RASA1: variants seen among roughly 807,000 people sequenced by gnomAD.
RASA1 encodes the protein ras GTPase-activating protein 1.
RASA1 carries 25 observed loss-of-function variants against 132.2 expected under a neutral mutation model. The ratio of observed to expected loss-of-function variants is 0.19; its 90% CI spans 0.14 to 0.26. The LOEUF (loss-of-function observed/expected upper bound fraction) is 0.26, where lower values mean the gene tolerates loss of function less well. Ranked by LOEUF, RASA1 falls within the 10% of genes least tolerant of loss-of-function variation. The probability of loss-of-function intolerance (pLI) is 1.00; values close to 1 mark genes in which losing one functional copy is unlikely to be tolerated. For synonymous variants in RASA1, 477 were observed against 449.9 expected (o/e 1.06, Z -0.76); for missense variants, 964 against 1,299.2 (o/e 0.74, Z 3.97).
chr5:87,358,746 C>T (rs960492369), intron 9 of RASA1, among the ~76,000 whole-genome samples: 4 of 152,186 alleles, frequency 2.6e-5, no homozygotes, highest in African/African-American at 9.7e-5. Flanking sequence ...TTTCTGAACT[C>T]GTCTCTTCCT....
intron 6 of RASA1, among the ~76,000 whole-genome samples, chr5:87,341,898 G>A (rs931678218): frequency 2.0e-5 from 3 of 151,972 alleles, no homozygotes; most frequent in Non-Finnish European, 1.5e-5. Flanking sequence ...GGAACTTGAG[G>A]CTTGCCTCAA....
At chr5:87,297,520 A>G (rs1755175551) in intron 1 of RASA1, among the ~76,000 whole-genome samples, 1 of 152,228 alleles carries the variant, frequency 6.6e-6, no homozygotes, top group Non-Finnish European at 1.5e-5. Flanking sequence ...TAGGTGGGAC[A>G]GAATGGTTAG....
At chr5:87,327,049 C>T (rs1367574249) in intron 1 of RASA1, among the ~76,000 whole-genome samples, 1 of 152,098 alleles carries the variant, frequency 6.6e-6, no homozygotes, top group Non-Finnish European at 1.5e-5. Context: ...TTTGAGTATC[C>T]TCTACTCCCC....
At chr5:87,348,265 T>C (rs1485657695) in intron 7 of RASA1, among the ~76,000 whole-genome samples, 2 of 152,044 alleles carry the variant, frequency 1.3e-5, no homozygotes, top group African/African-American at 4.8e-5. Context: ...CATAAGTGCC[T>C]TGATTGGATG....
intron 9 of RASA1, among the ~76,000 whole-genome samples, chr5:87,355,131 C>T (rs1335982954): frequency 6.6e-6 from 1 of 152,176 alleles, no homozygotes; most frequent in Admixed American, 6.5e-5. Context: ...CAGAAGATAA[C>T]TAGCAAGTTA....
chr5:87,317,873 C>T (rs911789225), intron 1 of RASA1, among the ~76,000 whole-genome samples: 3 of 152,016 alleles, frequency 2.0e-5, no homozygotes, highest in Admixed American at 6.6e-5. Context: ...TGAGCTCAAG[C>T]AATCCGCCCA....
rs115839593 is a variant in RASA1, at chr5:87,358,176, G to A, written c.1333-4375G>A. Among the ~76,000 whole-genome samples, 1,143 of 152,270 alleles carry A rather than the reference G, an allele frequency of 7.5e-3. 19 individuals carry two copies. Among genetic ancestry groups the A allele is most frequent in the African/African-American group, 0.027 (1,105 of 41,556 alleles). ...AGATGCTGGCAAAGGCTAAGAAACA[G>A]CAGAGTCCTAGCTAGCTTTGCTTAC... On this transcript the variant is annotated intron_variant, in intron 9 of 24. Transcript: ENST00000274376.
chr5:87,338,172 G>T, intron 5 of RASA1, 81 bp downstream of exon 5: 1 of 1,584,596 alleles, frequency 6.3e-7, no homozygotes, highest in Non-Finnish European at 8.6e-7. Context: ...AGAGAAAGTA[G>T]CTATGAATAC....
At chr5:87,294,983 C>T (rs1755057251) in intron 1 of RASA1, among the ~76,000 whole-genome samples, 1 of 152,060 alleles carries the variant, frequency 6.6e-6, no homozygotes, top group East Asian at 1.9e-4. Context: ...TATGTATTTC[C>T]TCTTGAAGTT....
At position 87,353,880 on chromosome 5, in the gene RASA1, C is replaced by T. The variant is rs577394538; in HGVS notation, c.1332+645C>T. On this transcript the variant is annotated intron_variant, in intron 9 of 24. Coordinates refer to ENST00000274376, the MANE Select transcript of RASA1 (RefSeq NM_002890.3). Reference sequence around the variant, plus strand: ...GGGTGATTAGCTTCTGTTTCTTCCTCATTGCACTTTCTGAAGTATATGGTA... The same window carrying T: ...GGGTGATTAGCTTCTGTTTCTTCCTTATTGCACTTTCTGAAGTATATGGTA... Among the ~76,000 whole-genome samples, 9 of 152,194 alleles carry T rather than the reference C, an allele frequency of 5.9e-5. No homozygotes were observed. In the East Asian group the frequency reaches 7.7e-4, roughly 13 times the overall value.
chr5:87,273,357 T>C (rs1280639337), intron 1 of RASA1, among the ~76,000 whole-genome samples: 2 of 152,334 alleles, frequency 1.3e-5, no homozygotes, highest in East Asian at 3.8e-4. Flanking sequence ...ATTTCTCTAC[T>C]ATAAAAGTTT....
At position 87,268,494 on chromosome 5, in the gene RASA1, A is replaced by G. The variant is rs1426539498; in HGVS notation, c.43A>G (p.Thr15Ala). ...EAGSEEGGPVTAGAGGGGAAA... is the reference protein window; with the variant it reads ...EAGSEEGGPVAAGAGGGGAAA... ...CGGCAGTGAGGAGGGCGGCCCGGTA[A>G]CAGCCGGAGCTGGAGGAGGCGGCGC... The change falls in exon 1 of 25, where the codon ACA becomes GCA. Residue 15 changes from threonine (T) to alanine (A), a missense_variant. By Grantham distance (58) the Thr-to-Ala change is moderately conservative. Transcript: ENST00000274376. 2 of 1,558,308 alleles carry G rather than the reference A, an allele frequency of 1.3e-6. No homozygotes were observed. The highest frequency in any genetic ancestry group is 1.7e-6 in the Non-Finnish European group (2 of 1,153,364).
Position 87,391,048 on chromosome 5 carries a change from T to C in RASA1, c.*165T>C. On this transcript the variant is annotated 3_prime_UTR_variant, in exon 25 of 25. Transcript: ENST00000274376. ...CCAAGATTCTGCTGGTGAATAACTA[T>C]GCCAGCAACCTTGTAAGCTATCTGT... is the stretch of plus-strand genomic sequence containing the variant. 1.4e-6 allele frequency: 1 copy of C among 728,876 alleles called. No homozygotes were observed. 45.2% of individuals were successfully genotyped at this position (728,876 alleles called of 1,614,324 possible).
chr5:87,384,509 T>G (rs1761935875), intron 21 of RASA1, among the ~76,000 whole-genome samples: 1 of 152,164 alleles, frequency 6.6e-6, no homozygotes, highest in African/African-American at 2.4e-5. Flanking sequence ...TATATAGCCA[T>G]CACATCTCTG....
chr5:87,308,130 T>C (rs1755707010), intron 1 of RASA1, among the ~76,000 whole-genome samples: 1 of 151,990 alleles, frequency 6.6e-6, no homozygotes, highest in Admixed American at 6.6e-5. Flanking sequence ...TCAAGTCTCT[T>C]AATATTTGTC....
chr5:87,297,449 G>T (rs900683030), intron 1 of RASA1, among the ~76,000 whole-genome samples: 2 of 152,224 alleles, frequency 1.3e-5, no homozygotes, highest in African/African-American at 4.8e-5. Flanking sequence ...GTGAACCTGT[G>T]CTCCTGGACT....
rs1460297847 is a variant in RASA1, at chr5:87,309,410, C to T, written c.540-21938C>T. 2.6e-5 allele frequency among the ~76,000 whole-genome samples: 4 copies of T among 152,018 alleles called. No individual in the cohort carries two copies. In the East Asian group the frequency reaches 7.7e-4, roughly 29 times the overall value. On this transcript the variant is annotated intron_variant, in intron 1 of 24. Transcript: ENST00000274376. ...TAAATAGGGTAGTCAGTATAGGACT[C>T]ATTGAGTGACATTTTTGTGCAAAGA...
intron 4 of RASA1, among the ~76,000 whole-genome samples, chr5:87,334,307 C>T (rs950062876): frequency 3.3e-5 from 5 of 152,148 alleles, no homozygotes; most frequent in African/African-American, 1.2e-4. Context: ...ACCAGTAAGG[C>T]AGCAGAAAGG....
chr5:87,353,205 A>T lies in RASA1; in HGVS notation c.1302A>T (p.Gly434=), dbSNP rs754723063. The T allele has an allele frequency of 6.2e-7, 1 of 1,609,972 alleles. No homozygotes were observed. The highest frequency in any genetic ancestry group is 8.5e-7 in the Non-Finnish European group (1 of 1,176,754). ...DHYRKEQIVE[G]YYLKEPVPMQ... ...ATCGAAAAGAACAGATTGTTGAAGG[A>T]TATTATCTTAAGGAACCTGTACCAA... Residue 434 remains glycine (G), a synonymous_variant, in exon 9 of 25, where the codon GGA becomes GGT. Transcript: ENST00000274376.
Sources: gnomAD v4.1 joint callset for allele counts (sites outside exome capture counted in the v4.1 genomes callset) on GRCh38, gnomAD v4.1.1 for gene constraint, MANE v1.5 for transcripts, NCBI Gene and HGNC (gene_info 2026-07-23, HGNC 2026-07-21) for gene names.